Variants in MSH4 observed in about 807,000 individuals in gnomAD.
The protein encoded by MSH4 is mutS homolog 4.
A neutral mutation model predicts 113.7 loss-of-function variants in MSH4; 106 were observed. The ratio of observed to expected loss-of-function variants is 0.93; its 90% CI spans 0.80 to 1.10. The LOEUF (loss-of-function observed/expected upper bound fraction) is 1.10. Among genes scored for constraint, MSH4 ranks in the 50% least tolerant of loss-of-function variants. MSH4 has a pLI of 0.00. For synonymous variants in MSH4, 368 were observed against 380.2 expected (o/e 0.97, Z 0.37); for missense variants, 1,061 against 1,093.7 (o/e 0.97, Z 0.42).
chr1:75,834,045 G>A (rs919031089), intron 7 of MSH4, among the ~76,000 whole-genome samples: 1 of 152,108 alleles, frequency 6.6e-6, no homozygotes, highest in South Asian at 2.1e-4. Context: ...CTGACAAAGC[G>A]CTAATATCCA....
intron 7 of MSH4, among the ~76,000 whole-genome samples, chr1:75,828,975 G>C (rs1372042964): frequency 6.6e-6 from 1 of 152,162 alleles, no homozygotes; most frequent in East Asian, 1.9e-4. Context: ...AGCCCATGGA[G>C]CAGGGCAGGA....
intron 19 of MSH4, among the ~76,000 whole-genome samples, chr1:75,903,011 T>TA (rs1157196869): frequency 6.7e-6 from 1 of 148,280 alleles, no homozygotes; most frequent in Non-Finnish European, 1.5e-5. Context: ...TTCACTTTGT[T>TA]AATTTTTTTT....
At chr1:75,885,027 ATATGTGTGTGTG>A (rs1444046553) in intron 15 of MSH4, among the ~76,000 whole-genome samples, 8 of 121,298 alleles carry the variant, frequency 6.6e-5, no homozygotes, top group East Asian at 2.3e-4. Context: ...GTATATATAT[ATATGTGTGTGTG>A]TGTGTGTGTG....
At chr1:75,830,809 C>T (rs936048124) in intron 7 of MSH4, among the ~76,000 whole-genome samples, 2 of 152,152 alleles carry the variant, frequency 1.3e-5, no homozygotes, top group Non-Finnish European at 2.9e-5. Flanking sequence ...TGGAAAGGAA[C>T]AACCAGTACC....
At position 75,912,840 on chromosome 1, in the gene MSH4, G is replaced by C. The variant is rs774396348; in HGVS notation, c.2764G>C (p.Glu922Gln). 1 of 1,579,606 alleles carries C rather than the reference G, an allele frequency of 6.3e-7. No homozygotes were observed. The highest frequency in any genetic ancestry group is 8.6e-7 in the Non-Finnish European group (1 of 1,164,198). Reference sequence around the variant, plus strand: ...AAGTAACCTCAAGAAGAAGTACAAAGAAGATTTTCCCAGGACTGAACAAGT... The same window carrying C: ...AAGTAACCTCAAGAAGAAGTACAAACAAGATTTTCCCAGGACTGAACAAGT... ...YLSNLKKKYKEDFPRTEQVPE... is the reference protein window; with the variant it reads ...YLSNLKKKYKQDFPRTEQVPE... The change falls in exon 20 of 20, where the codon GAA becomes CAA. Residue 922 changes from glutamate (E) to glutamine (Q), a missense_variant. Coordinates refer to ENST00000263187, the MANE Select transcript of MSH4 (RefSeq NM_002440.4).
chr1:75,841,311 C>G (rs1182882149), intron 7 of MSH4, among the ~76,000 whole-genome samples: 1 of 152,020 alleles, frequency 6.6e-6, no homozygotes, highest in Admixed American at 6.6e-5. Flanking sequence ...GATCCTTTTG[C>G]TGCAGCCTCT....
At chr1:75,799,371 T>C (rs1146645) in intron 1 of MSH4, among the ~76,000 whole-genome samples, 140,688 of 152,232 alleles carry the variant, frequency 0.92, 65,297 homozygotes, top group African/African-American at 0.97. Context: ...TAATAATCTG[T>C]GCTCTCAATG....
rs906106450 is a variant in MSH4, at chr1:75,796,925, G to T, written c.-61G>T. On this transcript the variant is annotated 5_prime_UTR_variant, in exon 1 of 20. Coordinates refer to ENST00000263187, the MANE Select transcript of MSH4 (RefSeq NM_002440.4). ...TTTCAGCGGCGCAGCTTCTGTAGTT[G>T]GGCTACTGGAGGGGTCGCTCAGAAA... is the stretch of plus-strand genomic sequence containing the variant. 1 of 1,599,190 alleles carries T rather than the reference G, an allele frequency of 6.3e-7. No homozygotes were observed. The highest frequency in any genetic ancestry group is 8.5e-7 in the Non-Finnish European group (1 of 1,171,394).
intron 2 of MSH4, among the ~76,000 whole-genome samples, chr1:75,806,466 C>T (rs1650066510): frequency 2.0e-5 from 3 of 151,846 alleles, no homozygotes; most frequent in Admixed American, 2.0e-4. Context: ...CCAGGATGGT[C>T]TCGATTTCCT....
intron 1 of MSH4, 116 bp from the exon 2 acceptor site, chr1:75,803,615 C>T (rs1298761526): frequency 1.3e-6 from 1 of 788,198 alleles, no homozygotes; most frequent in Non-Finnish European, 1.8e-6. Flanking sequence ...AAGACTCTGT[C>T]TCAAAAAAGA....
At chr1:75,886,460 TTA>T (rs1491118392) in intron 15 of MSH4, among the ~76,000 whole-genome samples, 1 of 121,934 alleles carries the variant, frequency 8.2e-6, no homozygotes, top group Non-Finnish European at 1.6e-5. Context: ...ATATGATGTA[TTA>T]TATATTATAT....
At chr1:75,844,882 G>A (rs1651042779) in intron 7 of MSH4, among the ~76,000 whole-genome samples, 1 of 152,138 alleles carries the variant, frequency 6.6e-6, no homozygotes, top group South Asian at 2.1e-4. Flanking sequence ...CTGAAGGCTG[G>A]GATCTGCAAG....
chr1:75,897,114 GT>G (rs1652402777), intron 17 of MSH4, among the ~76,000 whole-genome samples: 1 of 152,112 alleles, frequency 6.6e-6, no homozygotes, highest in Admixed American at 6.6e-5. Flanking sequence ...AACGTAACTG[GT>G]TATTCAGATC....
intron 2 of MSH4, 134 bp downstream of exon 2, chr1:75,804,047 C>G: frequency 1.9e-6 from 1 of 533,554 alleles, no homozygotes; most frequent in Non-Finnish European, 2.9e-6. Context: ...ATTAGTTTAC[C>G]TCTATCCATA....
At chr1:75,860,083 C>A (rs954123300) in intron 8 of MSH4, among the ~76,000 whole-genome samples, 6 of 151,976 alleles carry the variant, frequency 3.9e-5, no homozygotes, top group Non-Finnish European at 8.8e-5. Context: ...AGGATTGCAA[C>A]CCCTGCTTTT....
At chr1:75,873,034 C>T (rs533652792) in intron 9 of MSH4, among the ~76,000 whole-genome samples, 9 of 152,314 alleles carry the variant, frequency 5.9e-5, no homozygotes, top group Middle Eastern at 6.8e-3. Context: ...AGCAGACACA[C>T]GTAAGTGTAA....
intron 8 of MSH4, among the ~76,000 whole-genome samples, chr1:75,849,751 A>C (rs1481971576): frequency 6.6e-6 from 1 of 152,206 alleles, no homozygotes; most frequent in Non-Finnish European, 1.5e-5. Context: ...TAGAGTTTAC[A>C]TAGAACTGGT....
At chr1:75,877,458 A>T (rs1009095595) in intron 10 of MSH4, among the ~76,000 whole-genome samples, 2 of 152,170 alleles carry the variant, frequency 1.3e-5, no homozygotes, top group African/African-American at 2.4e-5. Context: ...TTCAATCCAG[A>T]CCTTGGTTCT....
chr1:75,845,847 G>A (rs145578298), intron 7 of MSH4, among the ~76,000 whole-genome samples: 107 of 152,270 alleles, frequency 7.0e-4, no homozygotes, highest in Middle Eastern at 3.4e-3. Context: ...TAGGTTCTCT[G>A]TGGTGGCTCT....
Sources: gnomAD v4.1 joint callset for allele counts (sites outside exome capture counted in the v4.1 genomes callset) on GRCh38, gnomAD v4.1.1 for gene constraint, MANE v1.5 for transcripts, NCBI Gene and HGNC (gene_info 2026-07-23, HGNC 2026-07-21) for gene names.